Variants in ACSL1 observed in about 807,000 individuals in gnomAD.
ACSL1 encodes acyl-CoA synthetase long chain family member 1.
Under a neutral mutation model 98.4 loss-of-function variants are expected in ACSL1, and 41 were observed. The observed-to-expected ratio is 0.42, with a 90% CI of 0.32 to 0.54. The LOEUF (loss-of-function observed/expected upper bound fraction) is 0.54. Among genes scored for constraint, ACSL1 ranks in the 20% least tolerant of loss-of-function variants. The pLI is 0.13. For missense variants in ACSL1, 734 were observed against 883.1 expected (o/e 0.83, Z 2.14); for synonymous variants, 316 against 322.7 (o/e 0.98, Z 0.22).
rs928774578 is a variant in ACSL1, at chr4:184,818,924, G to C, written c.-33+6992C>G. On this transcript the variant is annotated intron_variant, in intron 1 of 20. Transcript: ENST00000281455. ...TTTAGTTTCCATATGAAGGGCGGGG[G>C]CACTTGGGTAGCAGCTATTCTCTAG... 2.6e-4 allele frequency among the ~76,000 whole-genome samples: 39 copies of C among 152,074 alleles called. 1 individual carries two copies. The highest frequency in any genetic ancestry group is 5.2e-4 in the Admixed American group (8 of 15,256).
In ACSL1 at chr4:184,757,464, A is replaced by G. The variant is rs1458787027; in HGVS notation, c.1956+171T>C. On this transcript the variant is annotated intron_variant, in intron 20 of 20. Transcript: ENST00000281455. This position sits in a 1 kb window ranked among gnomAD's most constrained non-coding sequence, Gnocchi z 4.5. ...GGGATCATATTCTGATATCCAGGAA[A>G]AGAGAATAAATGCTTTTGATTTAAA... 6.6e-6 allele frequency among the ~76,000 whole-genome samples: 1 copy of G among 152,204 alleles called. No individual in the cohort carries two copies. Among genetic ancestry groups the G allele is most frequent in the African/African-American group, 2.4e-5 (1 of 41,450 alleles).
At chr4:184,764,762 A>G in intron 15 of ACSL1, 91 bp downstream of exon 15, 1 of 1,160,402 alleles carries the variant, frequency 8.6e-7, no homozygotes, top group East Asian at 2.6e-5. Flanking sequence ...AAGATGGTTA[A>G]TGAACCAGTC....
rs33965361 is a variant in ACSL1, at chr4:184,782,264, T to TAAAA, written c.375+1659_375+1662dup. 2.5e-3 allele frequency among the ~76,000 whole-genome samples: 359 copies of TAAAA among 143,212 alleles called. 1 individual carries two copies. Among genetic ancestry groups the TAAAA allele is most frequent in the East Asian group, 0.012 (61 of 4,976 alleles). The allele number at this position is 143,212 out of a possible 152,430, so 94.0% of individuals were successfully genotyped here. On this transcript the variant is annotated intron_variant, in intron 4 of 20. Coordinates refer to ENST00000281455, the MANE Select transcript of ACSL1 (RefSeq NM_001995.5). ...TATTTCTAGATCGGTCATACATTCTTAAAAAAAAAAAAACAACCCTTTAAG... is the reference window on the plus strand; with the variant it reads ...TATTTCTAGATCGGTCATACATTCTTAAAAAAAAAAAAAAAAACAACCCTTTAAG...
chr4:184,762,597 G>T, intron 16 of ACSL1, 74 bp from the exon 17 acceptor site: 1 of 1,286,148 alleles, frequency 7.8e-7, no homozygotes, highest in Non-Finnish European at 1.1e-6. Context: ...GTGCATGTGT[G>T]TACGTGTGTG....
chr4:184,761,670 T>A (rs1762870237), intron 17 of ACSL1, among the ~76,000 whole-genome samples: 1 of 152,198 alleles, frequency 6.6e-6, no homozygotes. Flanking sequence ...ACACATTTAT[T>A]CCCAAATCCT....
intron 3 of ACSL1, among the ~76,000 whole-genome samples, chr4:184,786,454 ACACACTGT>A (rs1767358635): frequency 6.9e-6 from 1 of 144,014 alleles, no homozygotes; most frequent in African/African-American, 2.5e-5. Context: ...ACACACACAC[ACACACTGT>A]TTCATGTGCC....
rs533173975 is a variant in ACSL1, at chr4:184,769,660, A to C, written c.993+739T>G. Among the ~76,000 whole-genome samples the C allele has an allele frequency of 8.3e-4, 126 of 152,352 alleles. 2 individuals are homozygous for C. The highest frequency in any genetic ancestry group is 3.4e-3 in the Middle Eastern group (1 of 294). On this transcript the variant is annotated intron_variant, in intron 11 of 20. Transcript: ENST00000281455. ...ATCCTTTGGGATGAGCAAATCCGAC[A>C]GGGCAGCTGTCATCCAAAGCATCGG...
intron 1 of ACSL1, among the ~76,000 whole-genome samples, chr4:184,818,092 C>T (rs7668458): frequency 0.014 from 2,195 of 152,274 alleles, 56 homozygotes; most frequent in African/African-American, 0.05. Flanking sequence ...TGTGAGGTGC[C>T]TGGCTGGGCT....
rs780461911 is a variant in ACSL1 at position 184,788,648 on chromosome 4, G to A, written c.279C>T (p.Tyr93=). The A allele has an allele frequency of 1.3e-5, 21 of 1,613,964 alleles. No individual in the cohort carries two copies. In the East Asian group the frequency reaches 1.6e-4, roughly 12 times the overall value. The stretch of plus-strand genomic sequence containing the variant: ...CCTGTATTCCCCTCTGGAAACCTTC[G>A]TATAATGTTGTGACATCATCATAGA... ...VYFYDDVTTL[Y]EGFQRGIQVS... The change falls in exon 3 of 21, where the codon TAC becomes TAT. Residue 93 remains tyrosine, a synonymous_variant. Coordinates refer to ENST00000281455, the MANE Select transcript of ACSL1 (RefSeq NM_001995.5).
intron 17 of ACSL1, 112 bp from the exon 18 acceptor site, chr4:184,760,612 A>G (rs1264923625): frequency 2.8e-5 from 39 of 1,415,626 alleles, no homozygotes; most frequent in Non-Finnish European, 3.7e-5. Flanking sequence ...ATTAATTCTA[A>G]TAACATCCCA....
At position 184,766,822 on chromosome 4, in the gene ACSL1, G is replaced by A. The variant is rs964029047; in HGVS notation, c.1129-66C>T. The stretch of plus-strand genomic sequence containing the variant: ...GATGGCCAGAGTCAAAGAGTGTGGA[G>A]AAATCAGAACCCTCACACACAGCTG... On this transcript the variant is annotated intron_variant, in intron 12 of 20. Transcript: ENST00000281455. This position sits in a 1 kb window ranked among gnomAD's most constrained non-coding sequence, Gnocchi z 4.8. The A allele has an allele frequency of 6.5e-6, 10 of 1,528,914 alleles. No individual in the cohort carries two copies. The highest frequency in any genetic ancestry group is 7.1e-6 in the Non-Finnish European group (8 of 1,122,618). The allele number at this position is 1,528,914 out of a possible 1,614,324, so 94.7% of individuals were successfully genotyped here. A position where few individuals can be genotyped will look rare whatever the true frequency, so the allele number is the denominator to read the frequency against.
chr4:184,787,353 A>G (rs1767564266), intron 3 of ACSL1, among the ~76,000 whole-genome samples: 1 of 152,236 alleles, frequency 6.6e-6, no homozygotes, highest in African/African-American at 2.4e-5. Context: ...AGGGGGGCAG[A>G]ATGCCAGGTG....
At chr4:184,783,246 A>G (rs1043294846) in intron 4 of ACSL1, among the ~76,000 whole-genome samples, 5 of 152,208 alleles carry the variant, frequency 3.3e-5, no homozygotes, top group Non-Finnish European at 7.3e-5. Flanking sequence ...CTGTTTCAAC[A>G]GCTGTAGCCG....
chr4:184,768,156 TA>T, intron 12 of ACSL1, 159 bp downstream of exon 12: 1 of 706,846 alleles, frequency 1.4e-6, no homozygotes, highest in Non-Finnish European at 2.2e-6. Context: ...CTCTGAGAGG[TA>T]AACGCATTCT....
At position 184,756,221 on chromosome 4, in the gene ACSL1, C is replaced by T. The variant is rs1244681047; in HGVS notation, c.*904G>A. On this transcript the variant is annotated 3_prime_UTR_variant, in exon 21 of 21. Transcript: ENST00000281455. ...CACATTAAAAATCTGTTGGCCTTTA[C>T]ACAGAGTGAGTGGTTCAGTGAAGAT... The T allele has an allele frequency of 2.0e-5, 3 of 152,750 alleles. No homozygotes were observed. Among genetic ancestry groups the T allele is most frequent in the East Asian group, 1.9e-4 (1 of 5,192 alleles). The allele number at this position is 152,750 out of a possible 1,614,324, so 9.5% of individuals were successfully genotyped here.
chr4:184,793,106 G>C (rs1768689035), intron 2 of ACSL1, among the ~76,000 whole-genome samples: 1 of 151,472 alleles, frequency 6.6e-6, no homozygotes, highest in Non-Finnish European at 1.5e-5. Flanking sequence ...TAGGAAATCA[G>C]TCATGAGCCA....
Position 184,757,876 on chromosome 4 carries a change from A to G in ACSL1, c.1827T>C (p.Cys609=). 2.5e-6 allele frequency: 4 copies of G among 1,614,186 alleles called. No homozygotes were observed. The highest frequency in any genetic ancestry group is 3.4e-6 in the Non-Finnish European group (4 of 1,180,044). Residue 609 remains cysteine (C), a synonymous_variant, in exon 19 of 21, where the codon TGT becomes TGC. Transcript: ENST00000281455. This position sits in a 1 kb window ranked among gnomAD's most constrained non-coding sequence, Gnocchi z 4.5. Reference sequence around the variant, plus strand: ...CAAATCCTCTCTTTTGGGCCCAGGAACATAATGTCTCAACATCTGGTACCA... The same window carrying G: ...CAAATCCTCTCTTTTGGGCCCAGGAGCATAATGTCTCAACATCTGGTACCA... ...AIVVPDVETL[C]SWAQKRGFEG... is the part of the protein sequence containing the mutation.
At chr4:184,788,103 G>T (rs1767714936) in intron 3 of ACSL1, among the ~76,000 whole-genome samples, 1 of 152,198 alleles carries the variant, frequency 6.6e-6, no homozygotes, top group Admixed American at 6.5e-5. Flanking sequence ...CCCTATACAG[G>T]AGGCCTGGGA....
chr4:184,806,010 A>G (rs971933697), intron 1 of ACSL1, among the ~76,000 whole-genome samples: 1 of 152,250 alleles, frequency 6.6e-6, no homozygotes, highest in Non-Finnish European at 1.5e-5. Context: ...GCATGCTGAC[A>G]GCAGATTTAT....
Sources: allele counts gnomAD v4.1 joint callset (sites outside exome capture counted in the v4.1 genomes callset), GRCh38; gene constraint gnomAD v4.1.1; non-coding constraint Gnocchi (gnomAD v3.1); transcripts MANE v1.5; gene names NCBI Gene and HGNC (gene_info 2026-07-23, HGNC 2026-07-21).